The following SULT2A1 variants were observed in gnomAD, a reference collection of about 807,000 sequenced individuals.
The protein encoded by SULT2A1 is sulfotransferase family 2A member 1, also known as sulfotransferase 2A1.
SULT2A1 carries 43 observed loss-of-function variants against 33.9 expected under a neutral mutation model. The observed-to-expected ratio is 1.27, with a 90% CI of 1.00 to 1.64. The LOEUF is 1.64. Ranked by LOEUF, SULT2A1 falls within the 40% of genes most tolerant of loss-of-function variation. The pLI is 0.00. For missense variants in SULT2A1, 300 were observed against 335.1 expected (o/e 0.90, Z 0.82); for synonymous variants, 125 against 113.6 (o/e 1.10, Z -0.64).
Position 47,874,852 on chromosome 19 carries a change from A to C in SULT2A1, c.568-18T>G. 6.2e-7 allele frequency: 1 copy of C among 1,610,340 alleles called. No homozygotes were observed. Among genetic ancestry groups the C allele is most frequent in the African/African-American group, 1.3e-5 (1 of 74,792 alleles). ...CCTGTGTCCTAAAAAAGAAAAATCA[A>C]GAGAGAGGATACGAAAGAGAAAGAC... On this transcript the variant is annotated intron_variant, in intron 4 of 5. Coordinates refer to ENST00000222002, the MANE Select transcript of SULT2A1 (RefSeq NM_003167.4).
chr19:47,875,161 A>C (rs1328299650), intron 4 of SULT2A1, among the ~76,000 whole-genome samples: 8 of 6,212 alleles, frequency 1.3e-3, no homozygotes. Context: ...ACCTTGTCAA[A>C]AAAAAAAAAA....
intron 1 of SULT2A1, among the ~76,000 whole-genome samples, chr19:47,884,569 C>T (rs1398403037): frequency 1.3e-5 from 2 of 149,944 alleles, no homozygotes; most frequent in East Asian, 2.0e-4. Flanking sequence ...GCCTTGAACT[C>T]GGGCTCAAGT....
At chr19:47,882,323 T>C (rs775364928) in intron 2 of SULT2A1, 113 bp from the exon 3 acceptor site, 89 of 1,330,550 alleles carry the variant, frequency 6.7e-5, no homozygotes, top group Non-Finnish European at 8.9e-5. Context: ...ATAATATCAA[T>C]GGATTCTTTT....
intron 5 of SULT2A1, among the ~76,000 whole-genome samples, chr19:47,874,398 G>A (rs549356959): frequency 7.2e-5 from 11 of 152,240 alleles, no homozygotes; most frequent in Non-Finnish European, 1.3e-4. Context: ...AATTAGCTGG[G>A]TGTGGTGGCG....
In SULT2A1 at chr19:47,883,634, G is replaced by C; in HGVS notation, c.288C>G (p.Phe96Leu). The C allele has an allele frequency of 6.2e-7, 1 of 1,614,022 alleles. No individual in the cohort carries two copies. Residue 96 changes from phenylalanine to leucine, a missense_variant, in exon 2 of 6, where the codon TTC becomes TTG. By Grantham distance (22) the Phe-to-Leu change is conservative (BLOSUM62 0). Coordinates refer to ENST00000222002, the MANE Select transcript of SULT2A1 (RefSeq NM_003167.4). ...ATAACTGGATGGGGAGGTGGGAGGA[G>C]AATAAACGTGGACTCTCCGTTTCAC... The part of the protein sequence containing the change: ...ALSETESPRL[F>L]SSHLPIQLFP...
Position 47,874,703 on chromosome 19 carries a change from G to A in SULT2A1, c.699C>T (p.Leu233=). The A allele has an allele frequency of 6.2e-7, 1 of 1,614,124 alleles. No homozygotes were observed. The highest frequency in any genetic ancestry group is 8.5e-7 in the Non-Finnish European group (1 of 1,180,008). Residue 233 remains leucine (L), a synonymous_variant, in exon 5 of 6, where the codon CTC becomes CTT. Coordinates refer to ENST00000222002, the MANE Select transcript of SULT2A1 (RefSeq NM_003167.4). ...MKENKMSNYS[L]LSVDYVVDKA... ...TGTCCACTACATAATCAACACTCAGGAGGGAATAATTGGACATCTTGTTTT... is the reference window on the plus strand; with the variant it reads ...TGTCCACTACATAATCAACACTCAGAAGGGAATAATTGGACATCTTGTTTT...
At chr19:47,877,254 T>C (rs974879328) in intron 4 of SULT2A1, among the ~76,000 whole-genome samples, 16 of 150,996 alleles carry the variant, frequency 1.1e-4, no homozygotes, top group Non-Finnish European at 2.1e-4. Flanking sequence ...TTTTTTTTTT[T>C]GAGATGGAGT....
At chr19:47,880,245 A>AAAC (rs1303844874) in intron 3 of SULT2A1, among the ~76,000 whole-genome samples, 8 of 150,426 alleles carry the variant, frequency 5.3e-5, no homozygotes, top group African/African-American at 1.5e-4. Flanking sequence ...TCAAAAAAAA[A>AAAC]AAAAAAAAAA....
Position 47,883,609 on chromosome 19 carries a change from A to G in SULT2A1, c.313T>C (p.Phe105Leu), listed in dbSNP as rs1485730753. 1.2e-6 allele frequency: 2 copies of G among 1,613,992 alleles called. No individual in the cohort carries two copies. The highest frequency in any genetic ancestry group is 1.7e-5 in the Admixed American group (1 of 59,972). ...LFSSHLPIQL[F>L]PKSFFSSKAK... is the part of the protein sequence containing the mutation. ...TTGGAACTGAAGAAAGACTTGGGGA[A>G]TAACTGGATGGGGAGGTGGGAGGAG... Residue 105 changes from phenylalanine to leucine, a missense_variant, in exon 2 of 6, where the codon TTC becomes CTC. Phe to Leu is a conservative substitution (Grantham distance 22). Coordinates refer to ENST00000222002, the MANE Select transcript of SULT2A1 (RefSeq NM_003167.4).
At chr19:47,873,989 G>A (rs931485821) in intron 5 of SULT2A1, among the ~76,000 whole-genome samples, 6 of 151,966 alleles carry the variant, frequency 3.9e-5, no homozygotes, top group African/African-American at 7.2e-5. Context: ...CCCCAACCCC[G>A]TCCTTGTCCT....
intron 3 of SULT2A1, among the ~76,000 whole-genome samples, chr19:47,881,451 T>C (rs753898493): frequency 5.9e-5 from 9 of 152,152 alleles, no homozygotes; most frequent in Non-Finnish European, 1.3e-4. Flanking sequence ...GGATTACATG[T>C]GTGAGCCACC....
intron 3 of SULT2A1, 96 bp from the exon 4 acceptor site, chr19:47,879,226 T>C (rs1449894984): frequency 1.2e-5 from 9 of 744,186 alleles, no homozygotes; most frequent in Non-Finnish European, 2.2e-5. Context: ...TGTTAACGTA[T>C]GATTGACAAA....
chr19:47,885,995 T>A (rs1053266440), intron 1 of SULT2A1, 127 bp downstream of exon 1: 8 of 1,174,072 alleles, frequency 6.8e-6, no homozygotes, highest in Non-Finnish European at 9.6e-6. Context: ...GTCAATGGTA[T>A]TAGGCATTCC....
intron 3 of SULT2A1, among the ~76,000 whole-genome samples, chr19:47,880,236 C>CAA (rs1302864795): frequency 0.33 from 15,844 of 48,072 alleles, 3,913 homozygotes; most frequent in African/African-American, 0.57. Context: ...GACTCTGTCT[C>CAA]AAAAAAAAAA....
intron 2 of SULT2A1, among the ~76,000 whole-genome samples, chr19:47,883,142 G>A (rs978042276): frequency 3.3e-5 from 5 of 151,962 alleles, no homozygotes; most frequent in Non-Finnish European, 7.4e-5. Context: ...CAGTCAACCT[G>A]GATACAGGCA....
At chr19:47,877,704 C>T (rs1332330330) in intron 4 of SULT2A1, among the ~76,000 whole-genome samples, 2 of 151,984 alleles carry the variant, frequency 1.3e-5, no homozygotes, top group Non-Finnish European at 2.9e-5. Context: ...TGCCTGCCAC[C>T]ATGCCCGGCT....
At chr19:47,882,261 C>T in intron 2 of SULT2A1, 51 bp from the exon 3 acceptor site, 2 of 1,569,606 alleles carry the variant, frequency 1.3e-6, no homozygotes, top group Non-Finnish European at 1.7e-6. Flanking sequence ...AATCCTCACT[C>T]TTTTTGATCT....
At chr19:47,878,666 G>A (rs1318807838) in intron 4 of SULT2A1, among the ~76,000 whole-genome samples, 3 of 151,796 alleles carry the variant, frequency 2.0e-5, no homozygotes, top group Admixed American at 2.0e-4. Context: ...ACAGGCGCTC[G>A]CCACTGCACC....
At chr19:47,885,679 C>G (rs1568641452) in intron 1 of SULT2A1, among the ~76,000 whole-genome samples, 1 of 152,198 alleles carries the variant, frequency 6.6e-6, no homozygotes, top group East Asian at 1.9e-4. Context: ...TGATCCTCAT[C>G]TTTCAGCCCC....
Sources: allele counts gnomAD v4.1 joint callset (sites outside exome capture counted in the v4.1 genomes callset), GRCh38; gene constraint gnomAD v4.1.1; transcripts MANE v1.5; gene names NCBI Gene and HGNC (gene_info 2026-07-23, HGNC 2026-07-21).